PLCL2: variants seen among roughly 807,000 people sequenced by gnomAD.
PLCL2 encodes the protein phospholipase C like 2.
Under a neutral mutation model 79.6 loss-of-function variants are expected in PLCL2, and 4 were observed. The ratio of observed to expected loss-of-function variants is 0.05; its 90% CI spans 0.02 to 0.11. The LOEUF is 0.11. PLCL2 is among the 10% of genes least tolerant of loss of function. The probability of loss-of-function intolerance (pLI) is 1.00; values close to 1 mark genes in which losing one functional copy is unlikely to be tolerated. For synonymous variants in PLCL2, 484 were observed against 457.7 expected, an observed-to-expected ratio of 1.06 and a Z score of -0.73; for missense variants, 895 against 1,291.0, an observed-to-expected ratio of 0.69 and a Z score of 4.70.
At chr3:17,005,423 C>T (rs2064251878) in intron 1 of PLCL2, among the ~76,000 whole-genome samples, 1 of 152,206 alleles carries the variant, frequency 6.6e-6, no homozygotes, top group Non-Finnish European at 1.5e-5. Flanking sequence ...TATGAAATTG[C>T]CACTACCTAA....
chr3:16,955,612 C>G (rs1477072161), intron 1 of PLCL2, among the ~76,000 whole-genome samples: 1 of 152,136 alleles, frequency 6.6e-6, no homozygotes, highest in Non-Finnish European at 1.5e-5. Flanking sequence ...TATAAATTAC[C>G]TTGGGCAGTA....
chr3:16,911,233 A>G (rs531168476), intron 1 of PLCL2, among the ~76,000 whole-genome samples: 62 of 149,760 alleles, frequency 4.1e-4, no homozygotes, highest in African/African-American at 1.5e-3. Flanking sequence ...AGCCTGGGCC[A>G]CAGAGCAAGA....
At chr3:17,001,314 T>C (rs2064208796) in intron 1 of PLCL2, among the ~76,000 whole-genome samples, 1 of 152,164 alleles carries the variant, frequency 6.6e-6, no homozygotes, top group Non-Finnish European at 1.5e-5. Context: ...TCCCATTCTG[T>C]AGACTCTCTC....
At chr3:16,989,145 A>G (rs774409261) in intron 1 of PLCL2, among the ~76,000 whole-genome samples, 4 of 152,134 alleles carry the variant, frequency 2.6e-5, no homozygotes, top group Admixed American at 2.6e-4. Context: ...TTAAAGGTGT[A>G]AGACCTACAA....
At chr3:16,976,337 A>G (rs746457223) in intron 1 of PLCL2, among the ~76,000 whole-genome samples, 1 of 152,082 alleles carries the variant, frequency 6.6e-6, no homozygotes, top group Non-Finnish European at 1.5e-5. Context: ...GCAACAGCCT[A>G]GAGATTCAGG....
At position 16,886,850 on chromosome 3, in the gene PLCL2, G is replaced by A. The variant is rs1199112038; in HGVS notation, c.327+1484G>A. On this transcript the variant is annotated intron_variant, in intron 1 of 5. Transcript: ENST00000615277. This position sits in a 1 kb window ranked among gnomAD's most constrained non-coding sequence, Gnocchi z 4.2. ...TTTTATTTGTCATAAAATATTTGTG[G>A]TGATTTTGCATTGTGGTGTTAATAA... Among the ~76,000 whole-genome samples the A allele has an allele frequency of 6.6e-6, 1 of 152,160 alleles. No individual in the cohort carries two copies. Among genetic ancestry groups the A allele is most frequent in the African/African-American group, 2.4e-5 (1 of 41,434 alleles).
At chr3:17,023,277 T>A (rs969399493) in intron 3 of PLCL2, among the ~76,000 whole-genome samples, 1 of 152,194 alleles carries the variant, frequency 6.6e-6, no homozygotes, top group Non-Finnish European at 1.5e-5. Context: ...ACCTTTGTAT[T>A]TGGAAGGAAG....
intron 1 of PLCL2, among the ~76,000 whole-genome samples, chr3:16,915,531 T>A (rs1696973234): frequency 6.6e-6 from 1 of 152,176 alleles, no homozygotes; most frequent in Non-Finnish European, 1.5e-5. Context: ...TTCCCTGTGG[T>A]TTAGATATAT....
intron 3 of PLCL2, among the ~76,000 whole-genome samples, chr3:17,022,455 C>G (rs1300163298): frequency 6.6e-6 from 1 of 151,888 alleles, no homozygotes; most frequent in African/African-American, 2.4e-5. Context: ...CTCCTAAGTT[C>G]TTTGCTAAGT....
rs143376717 is a variant in PLCL2, at chr3:16,977,389, C to T, written c.328-32285C>T. On this transcript the variant is annotated intron_variant, in intron 1 of 5. Coordinates refer to ENST00000615277, the MANE Select transcript of PLCL2 (RefSeq NM_001144382.2). ...AACTCAGACCACACCACACTAGCTTCCCTTCATAGTCACTCTGGAAGCATT... is the reference window on the plus strand; with the variant it reads ...AACTCAGACCACACCACACTAGCTTTCCTTCATAGTCACTCTGGAAGCATT... 2.7e-3 allele frequency among the ~76,000 whole-genome samples: 412 copies of T among 152,282 alleles called. 5 individuals are homozygous for T. Among genetic ancestry groups the T allele is most frequent in the African/African-American group, 9.4e-3 (391 of 41,546 alleles).
chr3:16,923,422 TG>T (rs1697170554), intron 1 of PLCL2, among the ~76,000 whole-genome samples: 2 of 152,232 alleles, frequency 1.3e-5, no homozygotes, highest in African/African-American at 4.8e-5. Context: ...TGGCCAGGGT[TG>T]CACAGGCAGA....
intron 1 of PLCL2, among the ~76,000 whole-genome samples, chr3:16,988,320 A>C (rs2064070949): frequency 6.6e-6 from 1 of 152,192 alleles, no homozygotes; most frequent in South Asian, 2.1e-4. Flanking sequence ...TGGTGAAGGA[A>C]AGAGCGCTTT....
At chr3:16,965,921 G>A (rs149286776) in intron 1 of PLCL2, among the ~76,000 whole-genome samples, 3,186 of 152,276 alleles carry the variant, frequency 0.021, 56 homozygotes, top group South Asian at 0.043. Context: ...GAGATTTGGG[G>A]CTGAGACGAT....
intron 3 of PLCL2, among the ~76,000 whole-genome samples, chr3:17,027,091 G>A (rs1257527619): frequency 2.0e-5 from 3 of 152,054 alleles, no homozygotes; most frequent in Non-Finnish European, 4.4e-5. Flanking sequence ...ATCGTAATAT[G>A]TGTTTATTCT....
chr3:16,914,217 A>G (rs1696943183), intron 1 of PLCL2, among the ~76,000 whole-genome samples: 1 of 152,210 alleles, frequency 6.6e-6, no homozygotes, highest in Non-Finnish European at 1.5e-5. Context: ...ACTCTAACAT[A>G]GATCTTAATA....
chr3:16,981,166 A>AGAGGGAGAGG (rs2063993185), intron 1 of PLCL2, among the ~76,000 whole-genome samples: 2 of 151,814 alleles, frequency 1.3e-5, no homozygotes, highest in African/African-American at 4.8e-5. Flanking sequence ...AGGGAGAGGG[A>AGAGGGAGAGG]GAGGCAAATC....
rs957879267 is a variant in PLCL2, at chr3:16,886,950, C to T, written c.327+1584C>T. On this transcript the variant is annotated intron_variant, in intron 1 of 5. Coordinates refer to ENST00000615277, the MANE Select transcript of PLCL2 (RefSeq NM_001144382.2). This position sits in a 1 kb window ranked among gnomAD's most constrained non-coding sequence, Gnocchi z 4.2. The stretch of plus-strand genomic sequence containing the variant: ...CCCTTTCTTTTAATTGTTTTGAATA[C>T]TTGTTTTTGCATTAAAAAATCAAAC... 6.6e-6 allele frequency among the ~76,000 whole-genome samples: 1 copy of T among 152,174 alleles called. No homozygotes were observed. The highest frequency in any genetic ancestry group is 2.4e-5 in the African/African-American group (1 of 41,436).
intron 5 of PLCL2, among the ~76,000 whole-genome samples, chr3:17,072,289 A>G (rs2065067124): frequency 6.6e-6 from 1 of 152,202 alleles, no homozygotes; most frequent in African/African-American, 2.4e-5. Context: ...AGGGATTATG[A>G]GAAATGTTAA....
At chr3:17,026,078 A>G (rs1275453621) in intron 3 of PLCL2, among the ~76,000 whole-genome samples, 1 of 152,202 alleles carries the variant, frequency 6.6e-6, no homozygotes, top group Non-Finnish European at 1.5e-5. Context: ...CTGTGAAATA[A>G]TTAATGCCAC....
Sources: allele counts gnomAD v4.1 joint callset (sites outside exome capture counted in the v4.1 genomes callset), GRCh38; gene constraint gnomAD v4.1.1; non-coding constraint Gnocchi (gnomAD v3.1); transcripts MANE v1.5; gene names NCBI Gene and HGNC (gene_info 2026-07-23, HGNC 2026-07-21).